LMNTD1: variants seen among roughly 807,000 people sequenced by gnomAD.
LMNTD1 encodes the protein lamin tail domain-containing protein 1.
LMNTD1 carries 35 observed loss-of-function variants against 50.9 expected under a neutral mutation model. The ratio of observed to expected loss-of-function variants is 0.69; its 90% CI spans 0.53 to 0.91. The LOEUF (loss-of-function observed/expected upper bound fraction) is 0.91, where lower values mean the gene tolerates loss of function less well. Ranked by LOEUF, LMNTD1 falls within the 40% of genes least tolerant of loss-of-function variation. The pLI, the probability that LMNTD1 is intolerant of heterozygous loss-of-function variation, is 0.00. For missense variants in LMNTD1, 470 were observed against 475.5 expected (o/e 0.99, Z 0.11); for synonymous variants, 153 against 161.9 (o/e 0.94, Z 0.42).
At chr12:25,525,176 T>A (rs715822) in intron 6 of LMNTD1, among the ~76,000 whole-genome samples, 21,526 of 152,180 alleles carry the variant, frequency 0.14, 1,599 homozygotes, top group East Asian at 0.2. Flanking sequence ...TTGAACCTTA[T>A]TGGTGTGTCC....
At position 25,483,165 on chromosome 12, in the gene LMNTD1, C is replaced by T. The variant is rs910072582; in HGVS notation, c.*23-6705G>A. On this transcript the variant is annotated intron_variant, in intron 9 of 9. Transcript: ENST00000458174. Reference sequence around the variant, plus strand: ...GTGGGCTGGGCGTGGTGGCTCATGCCTATAATCTCAGCACTTTGGGAGGCT... The same window carrying T: ...GTGGGCTGGGCGTGGTGGCTCATGCTTATAATCTCAGCACTTTGGGAGGCT... Among the ~76,000 whole-genome samples, 2 of 151,814 alleles carry T rather than the reference C, an allele frequency of 1.3e-5. 1 individual carries two copies. The highest frequency in any genetic ancestry group is 4.9e-5 in the African/African-American group (2 of 41,142).
chr12:25,480,143 C>T (rs117583522), intron 9 of LMNTD1, among the ~76,000 whole-genome samples: 4,729 of 152,296 alleles, frequency 0.031, 108 homozygotes, highest in Non-Finnish European at 0.043. Context: ...CCTTCACACT[C>T]AGATTAAATA....
intron 1 of LMNTD1, among the ~76,000 whole-genome samples, chr12:25,622,612 T>C (rs1946499625): frequency 1.3e-5 from 2 of 152,202 alleles, no homozygotes; most frequent in Non-Finnish European, 2.9e-5. Flanking sequence ...TTCATCATTA[T>C]ATTATTTGTA....
At chr12:25,507,927 T>C (rs1328684762) in intron 8 of LMNTD1, among the ~76,000 whole-genome samples, 1 of 152,178 alleles carries the variant, frequency 6.6e-6, no homozygotes, top group Non-Finnish European at 1.5e-5. Flanking sequence ...TAATGATGGG[T>C]TTAAGCTTAT....
chr12:25,549,889 C>G (rs1041105752), intron 2 of LMNTD1, among the ~76,000 whole-genome samples: 8 of 152,150 alleles, frequency 5.3e-5, no homozygotes, highest in African/African-American at 1.7e-4. Flanking sequence ...ACTTTTTACT[C>G]TAAGTGGAGA....
chr12:25,507,627 A>G (rs1419530230), intron 8 of LMNTD1, among the ~76,000 whole-genome samples: 1 of 152,214 alleles, frequency 6.6e-6, no homozygotes, highest in Non-Finnish European at 1.5e-5. Context: ...GAGAAGGCAC[A>G]GGGGAGCACA....
intron 1 of LMNTD1, among the ~76,000 whole-genome samples, chr12:25,631,562 T>C (rs1033941933): frequency 4.6e-5 from 7 of 152,080 alleles, no homozygotes; most frequent in Non-Finnish European, 8.8e-5. Flanking sequence ...ATCACTGCAG[T>C]TCGGCTCACA....
intron 4 of LMNTD1, among the ~76,000 whole-genome samples, chr12:25,527,464 G>A (rs1015074588): frequency 6.6e-6 from 1 of 150,856 alleles, no homozygotes; most frequent in Non-Finnish European, 1.5e-5. Context: ...GTACGATCCA[G>A]GGACCAGGCT....
intron 9 of LMNTD1, among the ~76,000 whole-genome samples, chr12:25,487,375 T>C (rs1938687690): frequency 7.4e-6 from 1 of 134,834 alleles, no homozygotes; most frequent in Non-Finnish European, 1.6e-5. Flanking sequence ...ATTGATCCCT[T>C]TACCATTATG....
intron 1 of LMNTD1, among the ~76,000 whole-genome samples, chr12:25,622,279 C>A (rs1281027282): frequency 3.3e-5 from 5 of 152,022 alleles, no homozygotes; most frequent in African/African-American, 1.2e-4. Flanking sequence ...TCCTCAGGGG[C>A]CTGAAAATCC....
chr12:25,557,268 C>T (rs74667098), upstream of LMNTD1: 90 of 152,230 alleles, frequency 5.9e-4, no homozygotes, highest in African/African-American at 2.1e-3. Context: ...TAAGCTCCTA[C>T]GAGGGGTATT....
intron 1 of LMNTD1, among the ~76,000 whole-genome samples, chr12:25,569,417 A>C (rs2136344203): frequency 6.6e-6 from 1 of 152,324 alleles, no homozygotes; most frequent in East Asian, 1.9e-4. Context: ...CATAGGTAGA[A>C]GGAGACAAGT....
chr12:25,600,063 GTAACCAAAACA>G (rs1298590843), intron 1 of LMNTD1, among the ~76,000 whole-genome samples: 2 of 152,042 alleles, frequency 1.3e-5, no homozygotes, highest in Non-Finnish European at 2.9e-5. Flanking sequence ...CAGAGCTATA[GTAACCAAAACA>G]GCATGGTACT....
chr12:25,547,069 A>G (rs1943477337), intron 3 of LMNTD1, among the ~76,000 whole-genome samples: 1 of 151,696 alleles, frequency 6.6e-6, no homozygotes, highest in Admixed American at 6.6e-5. Flanking sequence ...TATTAGAAAG[A>G]TAAAGTCATG....
At chr12:25,523,037 ATTT>A (rs1329922412) in intron 6 of LMNTD1, among the ~76,000 whole-genome samples, 1 of 151,902 alleles carries the variant, frequency 6.6e-6, no homozygotes, top group Non-Finnish European at 1.5e-5. Flanking sequence ...ATTTGTTTTT[ATTT>A]TTATTTTTTT....
chr12:25,586,641 G>C (rs985141046), intron 1 of LMNTD1, among the ~76,000 whole-genome samples: 5 of 152,102 alleles, frequency 3.3e-5, no homozygotes, highest in African/African-American at 1.2e-4. Context: ...GCCCTCATTT[G>C]CTTTGTCCTT....
At chr12:25,621,473 G>A (rs960772412) in intron 1 of LMNTD1, among the ~76,000 whole-genome samples, 3 of 152,168 alleles carry the variant, frequency 2.0e-5, no homozygotes, top group Admixed American at 1.3e-4. Context: ...AGCATAATAT[G>A]ATATACGTTT....
chr12:25,564,020 G>T (rs1042934272), intron 1 of LMNTD1, among the ~76,000 whole-genome samples: 22 of 152,158 alleles, frequency 1.4e-4, no homozygotes, highest in African/African-American at 5.3e-4. Flanking sequence ...ATTAGGGTGG[G>T]AGTGTCCCAA....
upstream of LMNTD1, chr12:25,553,305 C>G: frequency 2.2e-6 from 3 of 1,380,848 alleles, no homozygotes; most frequent in Non-Finnish European, 2.8e-6. Context: ...CTGGCCAACA[C>G]TGCCTCTTAG....
Sources: allele counts gnomAD v4.1 joint callset (sites outside exome capture counted in the v4.1 genomes callset), GRCh38; gene constraint gnomAD v4.1.1; transcripts MANE v1.5; gene names NCBI Gene and HGNC (gene_info 2026-07-23, HGNC 2026-07-21).